The following MKX variants were observed in gnomAD, a reference collection of about 807,000 sequenced individuals.
The protein encoded by MKX is mohawk homeobox, also known as homeobox protein Mohawk.
Under a neutral mutation model 36.0 loss-of-function variants are expected in MKX, and 13 were observed. The ratio of observed to expected loss-of-function variants is 0.36; its 90% confidence interval spans 0.24 to 0.57. MKX has a LOEUF of 0.57. Ranked by LOEUF, MKX falls within the 20% of genes least tolerant of loss-of-function variation. The probability of loss-of-function intolerance (pLI) is 0.79; values close to 1 mark genes in which losing one functional copy is unlikely to be tolerated. For synonymous variants in MKX, 176 were observed against 178.3 expected (o/e 0.99, Z 0.10); for missense variants, 458 against 456.4 (o/e 1.00, Z -0.03).
chr10:27,707,414 G>C (rs750645863), intron 5 of MKX, among the ~76,000 whole-genome samples: 1 of 152,090 alleles, frequency 6.6e-6, no homozygotes, highest in Non-Finnish European at 1.5e-5. Flanking sequence ...CCATGCTACT[G>C]TGCCTAACTT....
intron 5 of MKX, among the ~76,000 whole-genome samples, chr10:27,716,570 G>A (rs1836968963): frequency 6.6e-6 from 1 of 152,052 alleles, no homozygotes; most frequent in Non-Finnish European, 1.5e-5. Flanking sequence ...GAGAACACGT[G>A]TTTTCTGTGC....
At chr10:27,685,578 A>C (rs1271477151) in intron 5 of MKX, among the ~76,000 whole-genome samples, 1 of 151,624 alleles carries the variant, frequency 6.6e-6, no homozygotes. Context: ...CCTCCCGAGT[A>C]GCTGGGACTA....
intron 5 of MKX, among the ~76,000 whole-genome samples, chr10:27,721,701 G>A (rs1221512699): frequency 6.6e-6 from 1 of 152,104 alleles, no homozygotes; most frequent in Non-Finnish European, 1.5e-5. Flanking sequence ...GTGAGGGGTT[G>A]ACAGGTGCAG....
intron 5 of MKX, among the ~76,000 whole-genome samples, chr10:27,691,586 C>T (rs141717300): frequency 4.5e-4 from 68 of 152,142 alleles, no homozygotes; most frequent in African/African-American, 1.4e-3. Flanking sequence ...TCAGGAGGTA[C>T]ATATGCAGGT....
chr10:27,687,159 A>C (rs528953814), intron 5 of MKX, among the ~76,000 whole-genome samples: 2 of 152,086 alleles, frequency 1.3e-5, no homozygotes, highest in African/African-American at 4.8e-5. Flanking sequence ...GGCACGCACC[A>C]CTACGCCCGG....
chr10:27,711,445 TTC>T (rs1479728902), intron 5 of MKX, among the ~76,000 whole-genome samples: 1,697 of 12,762 alleles, frequency 0.13, 110 homozygotes, highest in East Asian at 0.42. Context: ...CTTTCTTTCT[TTC>T]TTTCTTTCTT....
intron 5 of MKX, among the ~76,000 whole-genome samples, chr10:27,699,787 C>T (rs1238981591): frequency 6.6e-6 from 1 of 152,278 alleles, no homozygotes; most frequent in East Asian, 1.9e-4. Context: ...AAAATTAGAA[C>T]ATAACAAGCT....
intron 5 of MKX, among the ~76,000 whole-genome samples, chr10:27,684,954 A>C (rs1274597114): frequency 1.3e-5 from 2 of 152,250 alleles, no homozygotes; most frequent in Admixed American, 6.5e-5. Context: ...TATTTATTGA[A>C]TGCTTATTCT....
chr10:27,701,442 A>C lies in MKX; in HGVS notation c.839-25888T>G, dbSNP rs1205639641. Among the ~76,000 whole-genome samples, 4 of 146,960 alleles carry C rather than the reference A, an allele frequency of 2.7e-5. No individual in the cohort carries two copies. In the East Asian group the frequency reaches 7.8e-4, roughly 29 times the overall value. On this transcript the variant is annotated intron_variant, in intron 5 of 6. Coordinates refer to ENST00000419761, the MANE Select transcript of MKX (RefSeq NM_173576.3). ...ACTATAGATAATATATATAAAATACATAAGTATATAAAAGATTAAAATTAT... is the reference window on the plus strand; with the variant it reads ...ACTATAGATAATATATATAAAATACCTAAGTATATAAAAGATTAAAATTAT...
intron 1 of MKX, chr10:27,745,045 G>A: frequency 6.6e-6 from 1 of 152,284 alleles, no homozygotes; most frequent in East Asian, 1.9e-4. Context: ...TCGCGTTGGT[G>A]TTTTCTTTTA....
intron 5 of MKX, among the ~76,000 whole-genome samples, chr10:27,725,313 G>A (rs1030952014): frequency 2.6e-5 from 4 of 152,216 alleles, no homozygotes; most frequent in African/African-American, 7.2e-5. Context: ...TGTCAAAGAG[G>A]AAAGAGAGAA....
chr10:27,716,815 G>C (rs895742818), intron 5 of MKX, among the ~76,000 whole-genome samples: 1 of 152,130 alleles, frequency 6.6e-6, no homozygotes, highest in Non-Finnish European at 1.5e-5. Flanking sequence ...TTGCCCTCAT[G>C]ACTTTTCAAC....
chr10:27,701,604 T>A (rs1260037520), intron 5 of MKX, among the ~76,000 whole-genome samples: 2 of 145,080 alleles, frequency 1.4e-5, no homozygotes, highest in African/African-American at 5.0e-5. Flanking sequence ...GTTTTTAATA[T>A]TAAAAATAAT....
At chr10:27,718,695 A>C in intron 5 of MKX, 1 of 217,910 alleles carries the variant, frequency 4.6e-6, no homozygotes, top group South Asian at 5.8e-5. Context: ...TCAAAAGTAC[A>C]GTACAGATTA....
At chr10:27,730,670 C>A (rs1249702508) in intron 5 of MKX, among the ~76,000 whole-genome samples, 1 of 151,716 alleles carries the variant, frequency 6.6e-6, no homozygotes, top group Non-Finnish European at 1.5e-5. Context: ...ATTGGCCAGG[C>A]TGGTCTCGAA....
At chr10:27,735,486 C>T in intron 3 of MKX, 112 bp from the exon 4 acceptor site, 1 of 786,980 alleles carries the variant, frequency 1.3e-6, no homozygotes, top group Admixed American at 3.2e-5. Flanking sequence ...ATTAAATATT[C>T]TCAGGACATA....
At position 27,674,757 on chromosome 10, in the gene MKX, T is replaced by TA. The variant is rs1836111037; in HGVS notation, c.*471dup. ...AATTTTCAATAATGTAGACGTTTTT[T>TA]AAAAGGAAGATTTCATTTGGGCTGA... On this transcript the variant is annotated 3_prime_UTR_variant, in exon 7 of 7. Transcript: ENST00000419761. 6.5e-6 allele frequency: 1 copy of TA among 152,710 alleles called. No individual in the cohort carries two copies. Among genetic ancestry groups the TA allele is most frequent in the African/African-American group, 2.4e-5 (1 of 41,474 alleles). 9.5% of individuals were successfully genotyped at this position (152,710 alleles called of 1,614,324 possible).
At chr10:27,715,166 G>T (rs1836941943) in intron 5 of MKX, among the ~76,000 whole-genome samples, 1 of 149,288 alleles carries the variant, frequency 6.7e-6, no homozygotes, top group African/African-American at 2.4e-5. Flanking sequence ...CATAGTTTTG[G>T]CCTCCATGGC....
chr10:27,682,460 TACTC>T (rs1354907180), intron 5 of MKX, among the ~76,000 whole-genome samples: 1 of 152,186 alleles, frequency 6.6e-6, no homozygotes, highest in African/African-American at 2.4e-5. Context: ...ACCACTCACT[TACTC>T]ACTCACTCAC....
Sources: allele counts gnomAD v4.1 joint callset (sites outside exome capture counted in the v4.1 genomes callset), GRCh38; gene constraint gnomAD v4.1.1; transcripts MANE v1.5; gene names NCBI Gene and HGNC (gene_info 2026-07-23, HGNC 2026-07-21).